The following CCDC149 variants were observed in gnomAD, a reference collection of about 807,000 sequenced individuals.
The protein encoded by CCDC149 is coiled-coil domain containing 149, also known as coiled-coil domain-containing protein 149.
CCDC149 carries 45 observed loss-of-function variants against 59.9 expected under a neutral mutation model. The ratio of observed to expected loss-of-function variants is 0.75; its 90% CI spans 0.59 to 0.96. The LOEUF is 0.96. Among genes scored for constraint, CCDC149 ranks in the 40% least tolerant of loss-of-function variants. The pLI is 0.00. For synonymous variants in CCDC149, 245 were observed against 260.6 expected, an observed-to-expected ratio of 0.94 and a Z score of 0.58; for missense variants, 584 against 664.7, an observed-to-expected ratio of 0.88 and a Z score of 1.33.
At chr4:24,831,685 AT>A in intron 8 of CCDC149, 35 bp from the exon 9 acceptor site, 1 of 1,593,540 alleles carries the variant, frequency 6.3e-7, no homozygotes, top group Non-Finnish European at 8.6e-7. Context: ...CTCAGTCGTC[AT>A]TCTTCTGAAA....
At chr4:24,925,505 T>C (rs1478653542) in intron 1 of CCDC149, among the ~76,000 whole-genome samples, 1 of 152,228 alleles carries the variant, frequency 6.6e-6, no homozygotes, top group Non-Finnish European at 1.5e-5. Context: ...TGCGGTGTTT[T>C]GTTTCGTTTT....
At chr4:24,815,759 T>A (rs1017267211) in intron 12 of CCDC149, among the ~76,000 whole-genome samples, 3 of 152,224 alleles carry the variant, frequency 2.0e-5, no homozygotes, top group Non-Finnish European at 4.4e-5. Flanking sequence ...GATGACATTC[T>A]GCTCATGTCC....
intron 1 of CCDC149, among the ~76,000 whole-genome samples, chr4:24,954,953 T>A (rs1723426602): frequency 6.6e-6 from 1 of 152,238 alleles, no homozygotes; most frequent in Non-Finnish European, 1.5e-5. Context: ...GCTTCCCTTT[T>A]AATTATAAAT....
At chr4:24,955,655 T>C (rs73250646) in intron 1 of CCDC149, among the ~76,000 whole-genome samples, 26,941 of 152,100 alleles carry the variant, frequency 0.18, 3,216 homozygotes, top group African/African-American at 0.33. Flanking sequence ...ATTCTACTTA[T>C]ATGAGGTACT....
chr4:24,908,749 GC>G (rs1235720566), intron 1 of CCDC149, among the ~76,000 whole-genome samples: 1 of 152,202 alleles, frequency 6.6e-6, no homozygotes, highest in Non-Finnish European at 1.5e-5. Context: ...TTGGGCGGAG[GC>G]CCATGGTTAA....
At chr4:24,950,723 T>C (rs1271270381) in intron 1 of CCDC149, among the ~76,000 whole-genome samples, 2 of 152,346 alleles carry the variant, frequency 1.3e-5, no homozygotes, top group Admixed American at 1.3e-4. Flanking sequence ...TTATTTTTCA[T>C]TTACTCATTC....
intron 1 of CCDC149, among the ~76,000 whole-genome samples, chr4:24,972,588 C>T (rs569098958): frequency 3.9e-5 from 6 of 152,196 alleles, no homozygotes; most frequent in Non-Finnish European, 7.4e-5. Context: ...ATTACAGACA[C>T]GAGCCACCAC....
At chr4:24,915,583 A>C (rs966837271), upstream of CCDC149, among the ~76,000 whole-genome samples, 1 of 152,230 alleles carries the variant, frequency 6.6e-6, no homozygotes, top group Non-Finnish European at 1.5e-5. Context: ...CTCCGAAATA[A>C]GTCAGACAGT....
chr4:24,874,244 GTTTTTTTTT>G (rs5856868), intron 2 of CCDC149, among the ~76,000 whole-genome samples: 7 of 87,484 alleles, frequency 8.0e-5, no homozygotes, highest in Middle Eastern at 0.012. Context: ...TATTAGATTT[GTTTTTTTTT>G]TTTTTTGTTT....
At chr4:24,908,512 T>C (rs1002597646) in intron 1 of CCDC149, among the ~76,000 whole-genome samples, 3 of 133,878 alleles carry the variant, frequency 2.2e-5, no homozygotes, top group African/African-American at 8.7e-5. Flanking sequence ...CTGGGCAACA[T>C]AGCAAGACTC....
intron 4 of CCDC149, among the ~76,000 whole-genome samples, chr4:24,842,623 G>C (rs747878140): frequency 5.3e-5 from 8 of 152,198 alleles, no homozygotes; most frequent in Non-Finnish European, 1.2e-4. Context: ...TGAGTCGTCA[G>C]CTTGCGGATG....
At chr4:24,973,550 A>G (rs547317161) in intron 1 of CCDC149, among the ~76,000 whole-genome samples, 1 of 152,258 alleles carries the variant, frequency 6.6e-6, no homozygotes, top group Non-Finnish European at 1.5e-5. Flanking sequence ...GGCTACTGGC[A>G]GCTATCTTGA....
At position 24,808,526 on chromosome 4, in the gene CCDC149, G is replaced by A; in HGVS notation, c.1486C>T (p.Leu496=). The A allele has an allele frequency of 1.3e-6, 2 of 1,542,002 alleles. No individual in the cohort carries two copies. ...TTAGGGAGCTCCCCCTGGATGGCCA[G>A]GCCTGGCGGGGCTGGCCCCGTCTCA... The change falls in exon 13 of 13, where the codon CTG becomes TTG. Residue 496 remains leucine, a synonymous_variant. Transcript: ENST00000635206.
At chr4:24,969,425 C>T (rs1359226723) in intron 1 of CCDC149, among the ~76,000 whole-genome samples, 9 of 152,172 alleles carry the variant, frequency 5.9e-5, no homozygotes. Context: ...ACACATTTCA[C>T]TGGAAAACAG....
In CCDC149 at chr4:24,808,118, T is replaced by C; in HGVS notation, c.*271A>G. The C allele has an allele frequency of 3.3e-6, 1 of 306,164 alleles. No individual in the cohort carries two copies. The highest frequency in any genetic ancestry group is 5.5e-5 in the East Asian group (1 of 18,260). 19.0% of individuals were successfully genotyped at this position (306,164 alleles called of 1,614,324 possible). On this transcript the variant is annotated 3_prime_UTR_variant, in exon 13 of 13. Coordinates refer to ENST00000635206, the MANE Select transcript of CCDC149 (RefSeq NM_001330643.2). ...CGGATGCTGAAAACCAGCCATATGG[T>C]GGACACGATTCCTGGGCCTGGCCCT...
chr4:24,820,270 G>C (rs1715305669), intron 11 of CCDC149: 1 of 301,022 alleles, frequency 3.3e-6, no homozygotes, highest in Non-Finnish European at 6.2e-6. Context: ...TCCCTAAGTG[G>C]ACCGCAGATT....
At chr4:24,877,570 C>T (rs751150350) in intron 1 of CCDC149, among the ~76,000 whole-genome samples, 5 of 152,152 alleles carry the variant, frequency 3.3e-5, no homozygotes, top group African/African-American at 4.8e-5. Flanking sequence ...TTGCACCTGC[C>T]CACCAAACCC....
rs201469408 is a variant in CCDC149 at position 24,834,952 on chromosome 4, C to T, written c.816G>A (p.Lys272=). 4.5e-5 allele frequency: 72 copies of T among 1,612,664 alleles called. No individual in the cohort carries two copies. In the East Asian group the frequency reaches 1.5e-3, roughly 33 times the overall value. Reference sequence around the variant, plus strand: ...TCCTGGAGCATGATATCCTACCTTGCTTTGCAGACAGGACTCCTGTCAGAG... The same window carrying T: ...TCCTGGAGCATGATATCCTACCTTGTTTTGCAGACAGGACTCCTGTCAGAG... Residue 272 remains lysine, a synonymous_variant, in exon 8 of 13, where the codon AAG becomes AAA. Transcript: ENST00000635206.
At chr4:24,947,884 A>G (rs1723165682) in intron 1 of CCDC149, among the ~76,000 whole-genome samples, 2 of 152,174 alleles carry the variant, frequency 1.3e-5, no homozygotes, top group African/African-American at 4.8e-5. Flanking sequence ...GCCATCCGCA[A>G]TATGGCCAAA....
Sources: gnomAD v4.1 joint callset for allele counts (sites outside exome capture counted in the v4.1 genomes callset) on GRCh38, gnomAD v4.1.1 for gene constraint, MANE v1.5 for transcripts, NCBI Gene and HGNC (gene_info 2026-07-23, HGNC 2026-07-21) for gene names.